Variants in PDS5A observed in about 807,000 individuals in gnomAD.
PDS5A encodes the protein PDS5 cohesin associated factor A.
A neutral mutation model predicts 167.1 loss-of-function variants in PDS5A; 42 were observed. The observed-to-expected ratio is 0.25, with a 90% CI of 0.20 to 0.33. PDS5A has a LOEUF of 0.33. Ranked by LOEUF, PDS5A falls within the 10% of genes least tolerant of loss-of-function variation. The pLI is 1.00. For synonymous variants in PDS5A, 553 were observed against 554.6 expected (o/e 1.00, Z 0.04); for missense variants, 1,033 against 1,605.9 (o/e 0.64, Z 6.10).
At chr4:39,904,008 A>G in intron 12 of PDS5A, 32 bp downstream of exon 12, 1 of 1,391,854 alleles carries the variant, frequency 7.2e-7, no homozygotes, top group Non-Finnish European at 9.6e-7. Context: ...GTAGTTTTAC[A>G]CTCAACCATT....
chr4:39,878,989 G>A (rs1043550702), intron 18 of PDS5A, among the ~76,000 whole-genome samples: 7 of 152,088 alleles, frequency 4.6e-5, no homozygotes, highest in African/African-American at 7.2e-5. Context: ...TGATCTGCCC[G>A]CCTCGGCCTC....
At chr4:39,929,015 C>G (rs1353640224) in intron 2 of PDS5A, among the ~76,000 whole-genome samples, 1 of 152,078 alleles carries the variant, frequency 6.6e-6, no homozygotes, top group Non-Finnish European at 1.5e-5. Context: ...AACTACCATT[C>G]ACATTTTTGT....
intron 2 of PDS5A, among the ~76,000 whole-genome samples, chr4:39,951,104 G>C (rs1728309444): frequency 6.6e-6 from 1 of 152,050 alleles, no homozygotes; most frequent in Non-Finnish European, 1.5e-5. Context: ...TGTTGCCCAG[G>C]CTGGTCTCAA....
rs1242659027 is a variant in PDS5A at position 39,827,973 on chromosome 4, G to GAT, written c.4011-2487_4011-2486dup. On this transcript the variant is annotated intron_variant, in intron 32 of 32. Transcript: ENST00000303538. The stretch of plus-strand genomic sequence containing the variant: ...ACCGGGAACTGTTTGCCCTCTGAAT[G>GAT]ATAGCCTTAACACAAAGAGGAAAAA... 6.6e-5 allele frequency among the ~76,000 whole-genome samples: 10 copies of GAT among 152,278 alleles called. No individual in the cohort carries two copies. The South Asian group carries it at 1.0e-3, about 16-fold the overall frequency.
At chr4:39,874,433 G>GTT in intron 19 of PDS5A, 21 bp from the exon 20 acceptor site, 5 of 1,561,516 alleles carry the variant, frequency 3.2e-6, no homozygotes, top group African/African-American at 1.4e-5. Flanking sequence ...TAATATAGTT[G>GTT]TTTTTTTTTC....
At chr4:39,964,202 A>T (rs1453534737) in intron 2 of PDS5A, among the ~76,000 whole-genome samples, 1 of 152,176 alleles carries the variant, frequency 6.6e-6, no homozygotes, top group Admixed American at 6.6e-5. Context: ...GGTAGTACAA[A>T]TAACCTTATG....
chr4:39,841,803 G>C (rs1717045295), intron 31 of PDS5A, 145 bp downstream of exon 31: 1 of 569,842 alleles, frequency 1.8e-6, no homozygotes, highest in Admixed American at 3.1e-5. Context: ...CGGGGTGCGG[G>C]AAGCGGGGAG....
At chr4:39,907,183 G>C (rs1723450702) in intron 11 of PDS5A, among the ~76,000 whole-genome samples, 1 of 152,106 alleles carries the variant, frequency 6.6e-6, no homozygotes, top group Admixed American at 6.6e-5. Context: ...ATAACCACTA[G>C]GGAGAGAGTC....
At chr4:39,860,196 G>GCA in intron 26 of PDS5A, among the ~76,000 whole-genome samples, 1 of 152,218 alleles carries the variant, frequency 6.6e-6, no homozygotes, top group Non-Finnish European at 1.5e-5. Context: ...GGGCACAGTG[G>GCA]CTCATGCCTG....
At chr4:39,922,483 G>A (rs1395592217) in intron 6 of PDS5A, 139 bp downstream of exon 6, 1 of 618,344 alleles carries the variant, frequency 1.6e-6, no homozygotes, top group Non-Finnish European at 2.4e-6. Flanking sequence ...CAAGACTAAT[G>A]CATGTTATTT....
At chr4:39,892,930 C>G (rs1034113581) in intron 16 of PDS5A, among the ~76,000 whole-genome samples, 24 of 152,146 alleles carry the variant, frequency 1.6e-4, no homozygotes, top group Admixed American at 7.2e-4. Context: ...CAGGGGGGCC[C>G]TGCATTAGGC....
chr4:39,939,046 T>C (rs1202694285), intron 2 of PDS5A, among the ~76,000 whole-genome samples: 2 of 151,862 alleles, frequency 1.3e-5, no homozygotes, highest in Non-Finnish European at 2.9e-5. Flanking sequence ...AGTATGATTC[T>C]AGCCATATAA....
intron 23 of PDS5A, among the ~76,000 whole-genome samples, chr4:39,865,835 CA>C (rs1331075861): frequency 6.6e-6 from 1 of 152,162 alleles, no homozygotes; most frequent in Non-Finnish European, 1.5e-5. Flanking sequence ...TCCTCTAAAA[CA>C]AATTTTTAAA....
chr4:39,964,897 C>T (rs1384395803), intron 2 of PDS5A, among the ~76,000 whole-genome samples: 3 of 147,828 alleles, frequency 2.0e-5, no homozygotes, highest in Non-Finnish European at 3.0e-5. Context: ...GAGCCGAGGT[C>T]GTGCCACTGC....
intron 31 of PDS5A, among the ~76,000 whole-genome samples, chr4:39,839,898 A>T (rs1716808922): frequency 6.6e-6 from 1 of 152,132 alleles, no homozygotes; most frequent in African/African-American, 2.4e-5. Context: ...GTTCAAGACC[A>T]GCCTGGCCAA....
rs148330854 is a variant in PDS5A, at chr4:39,959,583, C to T, written c.138+16857G>A. 2.0e-5 allele frequency among the ~76,000 whole-genome samples: 3 copies of T among 152,194 alleles called. No individual in the cohort carries two copies. The East Asian group carries it at 5.8e-4, about 30-fold the overall frequency. On this transcript the variant is annotated intron_variant, in intron 2 of 32. Coordinates refer to ENST00000303538, the MANE Select transcript of PDS5A (RefSeq NM_001100399.2). ...AAACTCTCGAGCTCAAGTGATCTGT[C>T]TGCCTTGGCCTCCCAAAGTGCTGGG...
At chr4:39,974,147 T>C in intron 2 of PDS5A, 2 of 572,390 alleles carry the variant, frequency 3.5e-6, no homozygotes, top group South Asian at 2.7e-5. Flanking sequence ...CCGTGCTGCA[T>C]ACTCTCCTCC....
chr4:39,897,996 T>G (rs1722571373), intron 16 of PDS5A: 1 of 923,944 alleles, frequency 1.1e-6, no homozygotes, highest in East Asian at 1.1e-4. Flanking sequence ...ACTTTATCTG[T>G]AAATGAAACC....
chr4:39,953,919 C>T (rs921701667), intron 2 of PDS5A, among the ~76,000 whole-genome samples: 2 of 152,106 alleles, frequency 1.3e-5, no homozygotes, highest in Admixed American at 6.6e-5. Flanking sequence ...ATTAAAAGTT[C>T]ATGGGAAACT....
Sources: gnomAD v4.1 joint callset for allele counts (sites outside exome capture counted in the v4.1 genomes callset) on GRCh38, gnomAD v4.1.1 for gene constraint, MANE v1.5 for transcripts, NCBI Gene and HGNC (gene_info 2026-07-23, HGNC 2026-07-21) for gene names.